CFAP46: variants seen among roughly 807,000 people sequenced by gnomAD.
The protein encoded by CFAP46 is cilia and flagella associated protein 46.
In CFAP46, 245 loss-of-function variants were observed where a neutral mutation model predicts 325.7. The ratio of observed to expected loss-of-function variants is 0.75; its 90% confidence interval spans 0.68 to 0.84. The LOEUF is 0.84. Among genes scored for constraint, CFAP46 ranks in the 40% least tolerant of loss-of-function variants. CFAP46 has a pLI of 0.00. For synonymous variants in CFAP46, 1,523 were observed against 1,495.9 expected (o/e 1.02, Z -0.42); for missense variants, 3,346 against 3,543.0 (o/e 0.94, Z 1.41).
rs774564135 is a variant in CFAP46, at chr10:132,859,209, G to A, written c.5237C>T (p.Ala1746Val). 3.1e-5 allele frequency: 48 copies of A among 1,549,874 alleles called. No individual in the cohort carries two copies. Among genetic ancestry groups the A allele is most frequent in the Non-Finnish European group, 3.7e-5 (43 of 1,146,968 alleles). ...CGAGCACTCTGTGGGTTCAGTGACC[G>A]CTGAGTGCTGCGCAACTCTGACCCG... ...SLRVRVAQHS[A>V]VTEPTECSLL... Residue 1746 changes from alanine to valine, a missense_variant, in exon 38 of 58, where the codon GCG becomes GTG. By Grantham distance (64) the Ala-to-Val change is moderately conservative. Transcript: ENST00000368586.
intron 57 of CFAP46, among the ~76,000 whole-genome samples, chr10:132,810,031 G>A (rs1454278268): frequency 5.9e-5 from 9 of 152,198 alleles, no homozygotes; most frequent in African/African-American, 2.2e-4. Context: ...GCTTGGGGAG[G>A]GGGCCAGGCA....
chr10:132,901,335 A>C (rs1849389298), intron 22 of CFAP46, among the ~76,000 whole-genome samples: 1 of 152,224 alleles, frequency 6.6e-6, no homozygotes, highest in Admixed American at 6.5e-5. Flanking sequence ...CTTTTGACTT[A>C]CATGTTCTTT....
chr10:132,864,807 C>T lies in CFAP46; in HGVS notation c.4890+1218G>A, dbSNP rs560253663. Among the ~76,000 whole-genome samples, 3 of 138,572 alleles carry T rather than the reference C, an allele frequency of 2.2e-5. No homozygotes were observed. The South Asian group carries it at 7.4e-4, about 34-fold the overall frequency. The allele number at this position is 138,572 out of a possible 152,430, so 90.9% of individuals were successfully genotyped here. On this transcript the variant is annotated intron_variant, in intron 35 of 57. Transcript: ENST00000368586. ...TCCCCCTGCTTGAGACCTGCACACA[C>T]CTGTCCCCAGTGCCTGAGACCTGCA...
intron 26 of CFAP46, among the ~76,000 whole-genome samples, chr10:132,885,595 T>G (rs1849110222): frequency 7.0e-6 from 1 of 143,098 alleles, no homozygotes. Flanking sequence ...GGGAGCACAC[T>G]CTGGGTGGGG....
chr10:132,930,982 CA>C (rs1485610326), intron 8 of CFAP46, among the ~76,000 whole-genome samples: 2 of 125,728 alleles, frequency 1.6e-5, no homozygotes, highest in African/African-American at 3.1e-5. Flanking sequence ...GGCCTCCCTA[CA>C]CTCCCCACAC....
intron 55 of CFAP46, among the ~76,000 whole-genome samples, chr10:132,811,848 G>T (rs1847587867): frequency 6.6e-6 from 1 of 152,236 alleles, no homozygotes; most frequent in Admixed American, 6.5e-5. Flanking sequence ...CCCAAGTGCA[G>T]GCCCTGGGTG....
intron 29 of CFAP46, among the ~76,000 whole-genome samples, chr10:132,878,813 C>T (rs1246294648): frequency 6.6e-6 from 1 of 152,194 alleles, no homozygotes; most frequent in African/African-American, 2.4e-5. Flanking sequence ...CGGGCAAACT[C>T]ATCCTCAGAA....
At position 132,876,908 on chromosome 10, in the gene CFAP46, T is replaced by C; in HGVS notation, c.4266A>G (p.Glu1422=). 6.4e-7 allele frequency: 1 copy of C among 1,550,602 alleles called. No individual in the cohort carries two copies. The highest frequency in any genetic ancestry group is 8.7e-7 in the Non-Finnish European group (1 of 1,146,988). The change falls in exon 31 of 58, where the codon GAA becomes GAG. Residue 1422 remains glutamate (E), a synonymous_variant. Transcript: ENST00000368586. This position sits in a 1 kb window ranked among gnomAD's most constrained non-coding sequence, Gnocchi z 4.1. ...KQLEDLPMSI[E]EWASYSCPEE... is the part of the protein sequence containing the mutation. ...CGGGGCAGGAGTAGGAAGCCCACTC[T>C]TCTATGCTCATGGGTAAGTCTTCCA...
At chr10:132,936,483 C>T (rs7091035) in intron 7 of CFAP46, among the ~76,000 whole-genome samples, 1 of 143,034 alleles carries the variant, frequency 7.0e-6, no homozygotes, top group Non-Finnish European at 1.5e-5. Context: ...GGCACCCAAA[C>T]ACACTGTGAT....
chr10:132,846,898 G>T, intron 43 of CFAP46, 34 bp downstream of exon 43: 2 of 1,582,316 alleles, frequency 1.3e-6, no homozygotes, highest in South Asian at 2.3e-5. Context: ...CTCCATGAAG[G>T]GCCTGGCTGG....
chr10:132,867,338 G>A (rs1324589028), intron 34 of CFAP46, 37 bp downstream of exon 34: 13 of 1,533,192 alleles, frequency 8.5e-6, no homozygotes, highest in Non-Finnish European at 1.1e-5. Flanking sequence ...GCGCCCGCTG[G>A]GCTGCGGGTC....
intron 50 of CFAP46, among the ~76,000 whole-genome samples, chr10:132,816,983 C>T (rs1847707847): frequency 6.6e-6 from 1 of 152,160 alleles, no homozygotes; most frequent in Non-Finnish European, 1.5e-5. Flanking sequence ...GATTGCAAAT[C>T]GCCACTTTTG....
intron 41 of CFAP46, among the ~76,000 whole-genome samples, chr10:132,849,662 C>A (rs1047611812): frequency 6.6e-6 from 1 of 152,098 alleles, no homozygotes; most frequent in Non-Finnish European, 1.5e-5. Flanking sequence ...GAAGGGTGGG[C>A]CCTGGGCTGA....
rs1405416545 is a variant in CFAP46 at position 132,847,645 on chromosome 10, C to T, written c.5953-324G>A. Reference sequence around the variant, plus strand: ...ATCCAACACATTCCCAGGGGGCTCTCGTTCCTGTCCTTTGGAAACACCTCT... The same window carrying T: ...ATCCAACACATTCCCAGGGGGCTCTTGTTCCTGTCCTTTGGAAACACCTCT... On this transcript the variant is annotated intron_variant, in intron 41 of 57. Coordinates refer to ENST00000368586, the MANE Select transcript of CFAP46 (RefSeq NM_001200049.3). This position sits in a 1 kb window ranked among gnomAD's most constrained non-coding sequence, Gnocchi z 5.2. 1.3e-5 allele frequency among the ~76,000 whole-genome samples: 2 copies of T among 152,108 alleles called. No individual in the cohort carries two copies. Among genetic ancestry groups the T allele is most frequent in the East Asian group, 3.9e-4 (2 of 5,128 alleles).
At position 132,941,637 on chromosome 10, in the gene CFAP46, T is replaced by G. The variant is rs1013056142; in HGVS notation, c.260A>C (p.His87Pro). The part of the protein sequence containing the change: ...APITQFLGRA[H>P]LCRAQMCAPK... ...GGCACACATCTGGGCCCTGCACAGG[T>G]GCGCTCGGCCCAGAAACTGGGTGAT... Residue 87 changes from histidine (H) to proline (P), a missense_variant, in exon 3 of 58, where the codon CAC becomes CCC. By Grantham distance (77) the His-to-Pro change is moderately conservative. Coordinates refer to ENST00000368586, the MANE Select transcript of CFAP46 (RefSeq NM_001200049.3). 1 of 1,613,866 alleles carries G rather than the reference T, an allele frequency of 6.2e-7. No homozygotes were observed. The highest frequency in any genetic ancestry group is 1.3e-5 in the African/African-American group (1 of 74,940).
intron 10 of CFAP46, 107 bp from the exon 11 acceptor site, chr10:132,924,993 C>T (rs1849787036): frequency 1.1e-6 from 1 of 902,348 alleles, no homozygotes; most frequent in African/African-American, 1.8e-5. Flanking sequence ...CTAAATTCAT[C>T]ACCCTGCGTG....
chr10:132,821,079 CTGTGTGTGCTGATGTGTGCTT>C (rs1847802326), intron 50 of CFAP46, among the ~76,000 whole-genome samples: 5 of 104,004 alleles, frequency 4.8e-5, no homozygotes, highest in Non-Finnish European at 7.4e-5. Flanking sequence ...CTGATGTGTG[CTGTGTGTGCTGATGTGTGCTT>C]TGTGTGTGCT....
At chr10:132,849,617 C>G (rs1848500555) in intron 41 of CFAP46, among the ~76,000 whole-genome samples, 1 of 152,178 alleles carries the variant, frequency 6.6e-6, no homozygotes, top group African/African-American at 2.4e-5. Context: ...CTGCAGCTGA[C>G]TCAGCCCAGC....
intron 8 of CFAP46, among the ~76,000 whole-genome samples, chr10:132,930,392 A>G (rs1849876157): frequency 8.4e-6 from 1 of 118,354 alleles, no homozygotes; most frequent in Admixed American, 9.1e-5. Context: ...GGCCTTCCCT[A>G]CACTCTCCAC....
Sources: allele counts gnomAD v4.1 joint callset (sites outside exome capture counted in the v4.1 genomes callset), GRCh38; gene constraint gnomAD v4.1.1; non-coding constraint Gnocchi (gnomAD v3.1); transcripts MANE v1.5; gene names NCBI Gene and HGNC (gene_info 2026-07-23, HGNC 2026-07-21).